MSRA: variants seen among roughly 807,000 people sequenced by gnomAD.
MSRA encodes the protein methionine sulfoxide reductase A.
In MSRA, 54 loss-of-function variants were observed where a neutral mutation model predicts 31.3. The ratio of observed to expected loss-of-function variants is 1.73; its 90% CI spans 1.39 to 2.17. The LOEUF (loss-of-function observed/expected upper bound fraction) is 2.17. Ranked by LOEUF, MSRA falls within the 30% of genes most tolerant of loss-of-function variation. MSRA has a pLI of 0.00. For synonymous variants in MSRA, 169 were observed against 116.5 expected, an observed-to-expected ratio of 1.45 and a Z score of -2.90; for missense variants, 507 against 300.9, an observed-to-expected ratio of 1.69 and a Z score of -5.07.
chr8:10,166,243 A>G (rs920194266), intron 1 of MSRA, among the ~76,000 whole-genome samples: 3 of 152,196 alleles, frequency 2.0e-5, no homozygotes, highest in Non-Finnish European at 4.4e-5. Flanking sequence ...CTCAGGTAGC[A>G]GGGGAGAATG....
chr8:10,193,212 G>A (rs546217330), intron 1 of MSRA, among the ~76,000 whole-genome samples: 31 of 152,258 alleles, frequency 2.0e-4, no homozygotes, highest in African/African-American at 6.5e-4. Flanking sequence ...TCTTATTCAG[G>A]TGCTTCCAAA....
chr8:10,128,343 C>T (rs1801649575), intron 1 of MSRA, among the ~76,000 whole-genome samples: 1 of 151,776 alleles, frequency 6.6e-6, no homozygotes, highest in East Asian at 1.9e-4. Context: ...TGCACCATTG[C>T]ACTCCAGCCT....
intron 5 of MSRA, among the ~76,000 whole-genome samples, chr8:10,384,639 G>T (rs1806274098): frequency 6.6e-6 from 1 of 152,282 alleles, no homozygotes; most frequent in East Asian, 1.9e-4. Context: ...GTGTTTTCAG[G>T]GTGCAGCCAG....
chr8:10,353,119 G>C (rs1212380728), intron 5 of MSRA, among the ~76,000 whole-genome samples: 2 of 152,176 alleles, frequency 1.3e-5, no homozygotes, highest in Admixed American at 1.3e-4. Flanking sequence ...CTGAGCCACA[G>C]ACAGGCGTGT....
chr8:10,142,066 C>T (rs567620043), intron 1 of MSRA, among the ~76,000 whole-genome samples: 1 of 152,320 alleles, frequency 6.6e-6, no homozygotes, highest in East Asian at 1.9e-4. Flanking sequence ...TCAAGCGATT[C>T]TCCTGTCTCA....
At chr8:10,416,817 G>A (rs1193527220) in intron 5 of MSRA, among the ~76,000 whole-genome samples, 1 of 152,212 alleles carries the variant, frequency 6.6e-6, no homozygotes, top group Non-Finnish European at 1.5e-5. Context: ...CAGAGCTGTG[G>A]AGCCAACAAG....
At chr8:10,253,435 CTT>C (rs560044659) in intron 3 of MSRA, among the ~76,000 whole-genome samples, 1 of 152,234 alleles carries the variant, frequency 6.6e-6, no homozygotes, top group African/African-American at 2.4e-5. Flanking sequence ...GACTGACAGA[CTT>C]TAAGTAGTTA....
intron 5 of MSRA, among the ~76,000 whole-genome samples, chr8:10,411,972 C>T (rs1415234373): frequency 1.3e-5 from 2 of 152,160 alleles, no homozygotes; most frequent in African/African-American, 4.8e-5. Context: ...TTTACTTTGT[C>T]CTTGAACTTG....
At chr8:10,221,517 G>A (rs1170046529) in intron 2 of MSRA, among the ~76,000 whole-genome samples, 1 of 151,956 alleles carries the variant, frequency 6.6e-6, no homozygotes. Context: ...GACTTCCCCA[G>A]GGTCAGGCTA....
chr8:10,333,979 A>G (rs182954097), intron 5 of MSRA, among the ~76,000 whole-genome samples: 5 of 152,290 alleles, frequency 3.3e-5, no homozygotes, highest in Admixed American at 2.0e-4. Flanking sequence ...AATTTCACCT[A>G]TCAGATTAGG....
chr8:10,252,250 T>C (rs1797955477), intron 3 of MSRA, among the ~76,000 whole-genome samples: 1 of 152,220 alleles, frequency 6.6e-6, no homozygotes, highest in Non-Finnish European at 1.5e-5. Flanking sequence ...ACAGTGTGAC[T>C]AGAACACCCA....
intron 1 of MSRA, among the ~76,000 whole-genome samples, chr8:10,123,962 C>T (rs767611348): frequency 1.7e-4 from 25 of 151,492 alleles, no homozygotes; most frequent in African/African-American, 5.8e-4. Context: ...GTGGAAGTCT[C>T]GATGAGATCA....
chr8:10,418,815 TAAAAAAAA>T (rs71203323), intron 5 of MSRA, among the ~76,000 whole-genome samples: 3 of 66,042 alleles, frequency 4.5e-5, no homozygotes, highest in Admixed American at 5.8e-4. Flanking sequence ...TTACTACGAC[TAAAAAAAA>T]AAAAAAAAAA....
intron 1 of MSRA, among the ~76,000 whole-genome samples, chr8:10,120,073 G>A (rs554200465): frequency 6.6e-6 from 1 of 152,258 alleles, no homozygotes; most frequent in African/African-American, 2.4e-5. Flanking sequence ...AGAGGGCTGG[G>A]GGAAGAAATA....
At chr8:10,214,107 A>G (rs993698533) in intron 2 of MSRA, among the ~76,000 whole-genome samples, 1 of 152,188 alleles carries the variant, frequency 6.6e-6, no homozygotes, top group Admixed American at 6.5e-5. Context: ...AGATTCTTCA[A>G]ACAAGAGTGG....
intron 1 of MSRA, among the ~76,000 whole-genome samples, chr8:10,085,397 G>C (rs12545826): frequency 0.23 from 34,287 of 152,152 alleles, 4,843 homozygotes; most frequent in East Asian, 0.55. Flanking sequence ...AGTGCCTATT[G>C]TGTGTATTTG....
intron 2 of MSRA, among the ~76,000 whole-genome samples, chr8:10,236,174 A>G (rs1200837642): frequency 6.6e-6 from 1 of 152,212 alleles, no homozygotes; most frequent in Non-Finnish European, 1.5e-5. Flanking sequence ...TCTCATATTT[A>G]TTGGATCCTT....
At chr8:10,300,510 C>A (rs1460140161) in intron 3 of MSRA, among the ~76,000 whole-genome samples, 1 of 152,086 alleles carries the variant, frequency 6.6e-6, no homozygotes, top group East Asian at 1.9e-4. Flanking sequence ...CCTGCCTTGG[C>A]CTCCCAAAGT....
chr8:10,174,351 G>A (rs1805853579), intron 1 of MSRA, among the ~76,000 whole-genome samples: 1 of 152,134 alleles, frequency 6.6e-6, no homozygotes, highest in African/African-American at 2.4e-5. Flanking sequence ...GCGAAGGCAT[G>A]GCTAGGGGTG....
Sources: allele counts gnomAD v4.1 joint callset (sites outside exome capture counted in the v4.1 genomes callset), GRCh38; gene constraint gnomAD v4.1.1; transcripts MANE v1.5; gene names NCBI Gene and HGNC (gene_info 2026-07-23, HGNC 2026-07-21).